The following PTH variants were observed in gnomAD, a reference collection of about 807,000 sequenced individuals.
PTH encodes the protein parathyroid hormone.
PTH carries 7 observed loss-of-function variants against 7.4 expected under a neutral mutation model. That is an observed-to-expected ratio of 0.94 (90% CI 0.53 to 1.77). The LOEUF (loss-of-function observed/expected upper bound fraction) is 1.77, where lower values mean the gene tolerates loss of function less well. PTH is among the 40% of genes most tolerant of loss of function. The pLI is 0.00. For missense variants in PTH, 128 were observed against 137.1 expected (o/e 0.93, Z 0.33); for synonymous variants, 51 against 46.6 (o/e 1.09, Z -0.39).
chr11:13,496,008 A>T (rs1847531185), upstream of PTH: 1 of 152,116 alleles, frequency 6.6e-6, no homozygotes, highest in Non-Finnish European at 1.5e-5. Context: ...AGACCCCTTA[A>T]ATGGTGACTT....
Position 13,492,262 on chromosome 11 carries a change from A to G in PTH, c.*143T>C, listed in dbSNP as rs1268832154. ...AGAATAATCAATTAAAATTGCAGTTATCATGGCTAGTGATGGATTACATGT... is the reference window on the plus strand; with the variant it reads ...AGAATAATCAATTAAAATTGCAGTTGTCATGGCTAGTGATGGATTACATGT... On this transcript the variant is annotated 3_prime_UTR_variant, in exon 3 of 3. Transcript: ENST00000282091. 3 of 919,706 alleles carry G rather than the reference A, an allele frequency of 3.3e-6. No individual in the cohort carries two copies. Among genetic ancestry groups the G allele is most frequent in the Non-Finnish European group, 4.9e-6 (3 of 615,222 alleles). 57.0% of individuals were successfully genotyped at this position (919,706 alleles called of 1,614,324 possible).
chr11:13,492,570 A>C lies in PTH; in HGVS notation c.183T>G (p.Asp61Glu). The change falls in exon 3 of 3, where the codon GAT (aspartate) becomes GAG (glutamate). Residue 61 changes from aspartate (D) to glutamate (E), a missense_variant. By Grantham distance (45) the Asp-to-Glu change is conservative. Coordinates refer to ENST00000282091, the MANE Select transcript of PTH (RefSeq NM_000315.4). ...RVEWLRKKLQ[D>E]VHNFVALGAP... is the part of the protein sequence containing the mutation. ...CTCCAAGGGCAACAAAATTGTGCAC[A>C]TCCTGCAGCTTCTTACGCAGCCATT... is the stretch of plus-strand genomic sequence containing the variant. 3 of 1,614,160 alleles carry C rather than the reference A, an allele frequency of 1.9e-6. No individual in the cohort carries two copies. The highest frequency in any genetic ancestry group is 1.3e-5 in the African/African-American group (1 of 75,054).
chr11:13,494,208 T>C (rs1847512892), intron 1 of PTH, among the ~76,000 whole-genome samples: 1 of 152,154 alleles, frequency 6.6e-6, no homozygotes, highest in Non-Finnish European at 1.5e-5. Flanking sequence ...GGCCTGGGAT[T>C]TGGAGAGAAG....
chr11:13,494,547 A>G (rs1323076117), intron 1 of PTH, among the ~76,000 whole-genome samples: 1 of 152,138 alleles, frequency 6.6e-6, no homozygotes, highest in Non-Finnish European at 1.5e-5. Context: ...GTGGTCACCA[A>G]ATGTTCTGCA....
At chr11:13,495,573 A>G (rs1471980490) in intron 1 of PTH, among the ~76,000 whole-genome samples, 2 of 152,176 alleles carry the variant, frequency 1.3e-5, no homozygotes, top group African/African-American at 4.8e-5. Context: ...TTAAATCAGA[A>G]CTATTCATTC....
Position 13,492,409 on chromosome 11 carries a change from T to A in PTH, c.344A>T (p.Gln115Leu). The A allele has an allele frequency of 6.2e-7, 1 of 1,612,592 alleles. No homozygotes were observed. ...DVNVLTKAKS[Q>L] Reference sequence around the variant, plus strand: ...TGACAATATCTGTTTTCATTTTCACTGGGATTTAGCTTTAGTTAATACATT... The same window carrying A: ...TGACAATATCTGTTTTCATTTTCACAGGGATTTAGCTTTAGTTAATACATT... Residue 115 changes from glutamine (Q) to leucine (L), a missense_variant, in exon 3 of 3, where the codon CAG becomes CTG. Gln to Leu is a moderately radical substitution (Grantham distance 113). Transcript: ENST00000282091.
chr11:13,494,832 C>A (rs751610), intron 1 of PTH, among the ~76,000 whole-genome samples: 1 of 152,030 alleles, frequency 6.6e-6, no homozygotes, highest in African/African-American at 2.4e-5. Flanking sequence ...GAAATCCCCC[C>A]GCACTGCATT....
chr11:13,495,197 C>T (rs1173323233), intron 1 of PTH, among the ~76,000 whole-genome samples: 1 of 152,146 alleles, frequency 6.6e-6, no homozygotes, highest in Non-Finnish European at 1.5e-5. Context: ...TTGTCTCTTT[C>T]CTCGTTTCAC....
At chr11:13,494,635 A>G (rs1185712187) in intron 1 of PTH, among the ~76,000 whole-genome samples, 5 of 152,174 alleles carry the variant, frequency 3.3e-5, no homozygotes, top group African/African-American at 9.7e-5. Flanking sequence ...CTTTATACTC[A>G]GATCTCACCT....
Position 13,492,504 on chromosome 11 carries a change from T to C in PTH, c.249A>G (p.Arg83=). ...APRDAGSQRP[R]KKEDNVLVES... Reference sequence around the variant, plus strand: ...CAACCAAGACATTGTCTTCCTTTTTTCGGGGCCTCTGGGAACCAGCATCTC... The same window carrying C: ...CAACCAAGACATTGTCTTCCTTTTTCCGGGGCCTCTGGGAACCAGCATCTC... The change falls in exon 3 of 3, where the codon CGA becomes CGG. Residue 83 remains arginine, a synonymous_variant. Transcript: ENST00000282091. 6.2e-7 allele frequency: 1 copy of C among 1,614,192 alleles called. No individual in the cohort carries two copies. The highest frequency in any genetic ancestry group is 8.5e-7 in the Non-Finnish European group (1 of 1,180,024).
Position 13,492,159 on chromosome 11 carries a change from T to G in PTH, c.*246A>C. 2 of 454,186 alleles carry G rather than the reference T, an allele frequency of 4.4e-6. No homozygotes were observed. The highest frequency in any genetic ancestry group is 7.6e-6 in the Non-Finnish European group (2 of 262,524). The allele number at this position is 454,186 out of a possible 1,614,324, so 28.1% of individuals were successfully genotyped here. On this transcript the variant is annotated 3_prime_UTR_variant, in exon 3 of 3. Coordinates refer to ENST00000282091, the MANE Select transcript of PTH (RefSeq NM_000315.4). ...AAGTGCAATTTTATTCTTTTATAAA[T>G]TATGCAATAACATACTTTAAAAAGA...
At chr11:13,494,321 C>T (rs994516594) in intron 1 of PTH, among the ~76,000 whole-genome samples, 8 of 152,108 alleles carry the variant, frequency 5.3e-5, no homozygotes, top group African/African-American at 1.7e-4. Context: ...CCTGGTGACT[C>T]GCTTTCTTAG....
At position 13,492,307 on chromosome 11, in the gene PTH, A is replaced by G; in HGVS notation, c.*98T>C. On this transcript the variant is annotated 3_prime_UTR_variant, in exon 3 of 3. Coordinates refer to ENST00000282091, the MANE Select transcript of PTH (RefSeq NM_000315.4). The stretch of plus-strand genomic sequence containing the variant: ...ACATGTAGTTTGTTATATCAGAAAT[A>G]TTGGCACTTGGAAATCTTAATAGAG... 2 of 1,482,154 alleles carry G rather than the reference A, an allele frequency of 1.3e-6. No individual in the cohort carries two copies. Among genetic ancestry groups the G allele is most frequent in the Admixed American group, 3.5e-5 (2 of 57,604 alleles). The allele number at this position is 1,482,154 out of a possible 1,614,324, so 91.8% of individuals were successfully genotyped here. A position where few individuals can be genotyped will look rare whatever the true frequency, so the allele number is the denominator to read the frequency against.
chr11:13,492,727 A>G (rs1411827829), intron 2 of PTH, 43 bp downstream of exon 2: 1 of 1,613,848 alleles, frequency 6.2e-7, no homozygotes, highest in Non-Finnish European at 8.5e-7. Flanking sequence ...GAAATGATAA[A>G]GTCAACATTA....
At chr11:13,494,244 G>C (rs1362667040) in intron 1 of PTH, among the ~76,000 whole-genome samples, 1 of 152,102 alleles carries the variant, frequency 6.6e-6, no homozygotes, top group East Asian at 1.9e-4. Flanking sequence ...AACCCACGGA[G>C]GTCACCAGCC....
At chr11:13,493,033 A>G (rs1847495884) in intron 1 of PTH, among the ~76,000 whole-genome samples, 173 bp from the exon 2 acceptor site, 1 of 152,032 alleles carries the variant, frequency 6.6e-6, no homozygotes. Flanking sequence ...AATTTAACTT[A>G]TAAATTAGTT....
At chr11:13,495,094 A>T (rs1847523027) in intron 1 of PTH, among the ~76,000 whole-genome samples, 1 of 152,194 alleles carries the variant, frequency 6.6e-6, no homozygotes, top group South Asian at 2.1e-4. Flanking sequence ...ATTACTTGTG[A>T]TATGGATTTC....
At chr11:13,495,699 G>T (rs1251560959) in intron 1 of PTH, among the ~76,000 whole-genome samples, 1 of 152,086 alleles carries the variant, frequency 6.6e-6, no homozygotes, top group Admixed American at 6.6e-5. Flanking sequence ...AAAAGGCAAG[G>T]TATCTCAGAA....
intron 1 of PTH, among the ~76,000 whole-genome samples, chr11:13,494,017 TC>T (rs1847509733): frequency 6.6e-6 from 1 of 152,230 alleles, no homozygotes; most frequent in Non-Finnish European, 1.5e-5. Context: ...CATTCACTCA[TC>T]TATAAATATT....
Sources: gnomAD v4.1 joint callset for allele counts (sites outside exome capture counted in the v4.1 genomes callset) on GRCh38, gnomAD v4.1.1 for gene constraint, MANE v1.5 for transcripts, NCBI Gene and HGNC (gene_info 2026-07-23, HGNC 2026-07-21) for gene names.